The following LGALS1 variants were observed in gnomAD, a reference collection of about 807,000 sequenced individuals.
LGALS1 encodes galectin-1.
Under a neutral mutation model 14.4 loss-of-function variants are expected in LGALS1, and 14 were observed. That is an observed-to-expected ratio of 0.97 (90% CI 0.64 to 1.52). The LOEUF is 1.52. LGALS1 is among the 40% of genes most tolerant of loss of function. The probability of loss-of-function intolerance (pLI) is 0.00; values close to 1 mark genes in which losing one functional copy is unlikely to be tolerated. For missense variants in LGALS1, 170 were observed against 181.4 expected, an observed-to-expected ratio of 0.94 and a Z score of 0.36; for synonymous variants, 71 against 73.4, an observed-to-expected ratio of 0.97 and a Z score of 0.17.
At chr22:37,677,166 GT>G in intron 2 of LGALS1, 101 bp downstream of exon 2, 1 of 1,180,310 alleles carries the variant, frequency 8.5e-7, no homozygotes, top group East Asian at 2.6e-5. Context: ...CCGGGAGCGG[GT>G]TAACGGCCAG....
intron 1 of LGALS1, 169 bp from the exon 2 acceptor site, chr22:37,676,817 A>G (rs1301685130): frequency 1.4e-6 from 1 of 733,318 alleles, no homozygotes; most frequent in South Asian, 1.5e-5. Context: ...CCACATAGAC[A>G]ATCGGAGGCT....
rs990167873 is a variant in LGALS1, at chr22:37,675,770, G to GGA, written c.9+63_9+64dup. ...GATAGGGCAGGAACTGATGGCCAGAGGAGAGCTGGGCAGATCGGGAGCAGA... is the reference window on the plus strand; with the variant it reads ...GATAGGGCAGGAACTGATGGCCAGAGGAGAGAGCTGGGCAGATCGGGAGCAGA... On this transcript the variant is annotated intron_variant, in intron 1 of 3. Transcript: ENST00000215909. 8 of 1,434,996 alleles carry GGA rather than the reference G, an allele frequency of 5.6e-6. No individual in the cohort carries two copies. The African/African-American group carries it at 1.0e-4, about 18-fold the overall frequency. 88.9% of individuals were successfully genotyped at this position (1,434,996 alleles called of 1,614,324 possible). A position where few individuals can be genotyped will look rare whatever the true frequency, so the allele number is the denominator to read the frequency against.
chr22:37,676,427 T>C (rs78788667), intron 1 of LGALS1, among the ~76,000 whole-genome samples: 7,027 of 152,310 alleles, frequency 0.046, 531 homozygotes, highest in African/African-American at 0.16. Context: ...TTGTTAACCC[T>C]GAGCCAGCCC....
In LGALS1 at chr22:37,677,076, A is replaced by G. The variant is rs376028708; in HGVS notation, c.89+11A>G. ...TCCTGACGCTAAGAGGTGAGAAGTGAAGTCGGGGTGGTGGGCGGCAGGGAC... is the reference window on the plus strand; with the variant it reads ...TCCTGACGCTAAGAGGTGAGAAGTGGAGTCGGGGTGGTGGGCGGCAGGGAC... On this transcript the variant is annotated intron_variant, in intron 2 of 3. Coordinates refer to ENST00000215909, the MANE Select transcript of LGALS1 (RefSeq NM_002305.4). 1.2e-6 allele frequency: 2 copies of G among 1,613,336 alleles called. No homozygotes were observed. The highest frequency in any genetic ancestry group is 1.7e-5 in the Admixed American group (1 of 59,990).
At chr22:37,676,787 G>C (rs141672805) in intron 1 of LGALS1, 199 bp from the exon 2 acceptor site, 159 of 669,496 alleles carry the variant, frequency 2.4e-4, no homozygotes, top group African/African-American at 2.4e-3. Flanking sequence ...ACCCCGGTGG[G>C]AATAGGGACT....
intron 1 of LGALS1, 82 bp downstream of exon 1, chr22:37,675,793 A>C: frequency 2.3e-6 from 3 of 1,287,870 alleles, no homozygotes; most frequent in Middle Eastern, 2.1e-4. Context: ...GATCGGGAGC[A>C]GATTCTAGCC....
chr22:37,676,987 G>C lies in LGALS1; in HGVS notation c.11G>C (p.Gly4Ala). 3 of 1,614,136 alleles carry C rather than the reference G, an allele frequency of 1.9e-6. No homozygotes were observed. Among genetic ancestry groups the C allele is most frequent in the Non-Finnish European group, 2.5e-6 (3 of 1,180,024 alleles). The change falls in exon 2 of 4, where the codon GGT becomes GCT. Residue 4 changes from glycine (G) to alanine (A), a missense_variant and splice_region_variant. By Grantham distance (60) the Gly-to-Ala change is moderately conservative. Coordinates refer to ENST00000215909, the MANE Select transcript of LGALS1 (RefSeq NM_002305.4). MAC[G>A]LVASNLNLKP... ...CTGGGCCGGGGCTTGTCTGTGCAGG[G>C]TCTGGTCGCCAGCAACCTGAATCTC...
chr22:37,677,027 C>T lies in LGALS1; in HGVS notation c.51C>T (p.Cys17=), dbSNP rs1921452785. ...ASNLNLKPGE[C]LRVRGEVAPD... ...ACCTGAATCTCAAACCTGGAGAGTG[C>T]CTTCGAGTGCGAGGCGAGGTGGCTC... Residue 17 remains cysteine (C), a synonymous_variant, in exon 2 of 4, where the codon TGC becomes TGT. Coordinates refer to ENST00000215909, the MANE Select transcript of LGALS1 (RefSeq NM_002305.4). 9.9e-6 allele frequency: 16 copies of T among 1,614,104 alleles called. No homozygotes were observed. Among genetic ancestry groups the T allele is most frequent in the Non-Finnish European group, 1.4e-5 (16 of 1,180,022 alleles).
At chr22:37,677,878 G>A (rs1179257478) in intron 2 of LGALS1, among the ~76,000 whole-genome samples, 5 of 151,896 alleles carry the variant, frequency 3.3e-5, no homozygotes, top group African/African-American at 4.8e-5. Context: ...TCCGCCTCCC[G>A]GGTTCAAACG....
chr22:37,678,075 C>T (rs923185372), intron 2 of LGALS1, among the ~76,000 whole-genome samples: 8 of 152,194 alleles, frequency 5.3e-5, no homozygotes, highest in South Asian at 2.1e-4. Context: ...GCATGAGCCA[C>T]CGTGCCCGGG....
intron 3 of LGALS1, 63 bp downstream of exon 3, chr22:37,678,717 G>T (rs1007797894): frequency 6.9e-7 from 1 of 1,441,438 alleles, no homozygotes; most frequent in Admixed American, 2.1e-5. Flanking sequence ...GCGGGGCTGG[G>T]TTAGTGACTA....
At chr22:37,676,759 C>A (rs1601601505) in intron 1 of LGALS1, 1 of 614,178 alleles carries the variant, frequency 1.6e-6, no homozygotes, top group East Asian at 2.9e-5. Context: ...AGAACCTTCA[C>A]GTTACAGACT....
chr22:37,678,464 C>T lies in LGALS1; in HGVS notation c.90-19C>T, dbSNP rs1921515398. The T allele has an allele frequency of 1.2e-6, 2 of 1,612,976 alleles. No homozygotes were observed. The highest frequency in any genetic ancestry group is 1.1e-5 in the South Asian group (1 of 91,024). On this transcript the variant is annotated intron_variant, in intron 2 of 3. Coordinates refer to ENST00000215909, the MANE Select transcript of LGALS1 (RefSeq NM_002305.4). ...TGGAGCTGGCCGAGGTGGCCTCATGCCCACCCGTTACCCCCCAGCTTCGTG... is the reference window on the plus strand; with the variant it reads ...TGGAGCTGGCCGAGGTGGCCTCATGTCCACCCGTTACCCCCCAGCTTCGTG...
intron 2 of LGALS1, 34 bp from the exon 3 acceptor site, chr22:37,678,449 C>G: frequency 6.2e-7 from 1 of 1,611,594 alleles, no homozygotes; most frequent in African/African-American, 1.3e-5. Context: ...TGGAGCTGGC[C>G]GAGGTGGCCT....
At position 37,675,671 on chromosome 22, in the gene LGALS1, G is replaced by A. The variant is rs369718469; in HGVS notation, c.-32G>A. 4 of 1,547,486 alleles carry A rather than the reference G, an allele frequency of 2.6e-6. No individual in the cohort carries two copies. The highest frequency in any genetic ancestry group is 3.5e-6 in the Non-Finnish European group (4 of 1,146,052). ...GGTGGAGTCTTCTGACAGCTGGTGCGCCTGCCCGGGAACATCCTCCTGGAC... is the reference window on the plus strand; with the variant it reads ...GGTGGAGTCTTCTGACAGCTGGTGCACCTGCCCGGGAACATCCTCCTGGAC... On this transcript the variant is annotated 5_prime_UTR_variant, in exon 1 of 4. Transcript: ENST00000215909.
At chr22:37,678,001 T>C (rs1601602071) in intron 2 of LGALS1, among the ~76,000 whole-genome samples, 1 of 152,232 alleles carries the variant, frequency 6.6e-6, no homozygotes, top group South Asian at 2.1e-4. Flanking sequence ...GCCAGGCTGG[T>C]CTCGAACTCC....
At chr22:37,676,943 G>A in intron 1 of LGALS1, 43 bp from the exon 2 acceptor site, 1 of 1,608,502 alleles carries the variant, frequency 6.2e-7, no homozygotes, top group Non-Finnish European at 8.5e-7. Context: ...AGCAGTGGAG[G>A]CCTTGTCCTC....
intron 1 of LGALS1, 48 bp downstream of exon 1, chr22:37,675,759 T>G (rs567137153): frequency 1.4e-6 from 2 of 1,477,798 alleles, no homozygotes; most frequent in South Asian, 2.6e-5. Context: ...GGGCAGGAAC[T>G]GATGGCCAGA....
intron 3 of LGALS1, 49 bp from the exon 4 acceptor site, chr22:37,679,554 A>G: frequency 1.3e-6 from 2 of 1,486,902 alleles, no homozygotes; most frequent in Non-Finnish European, 1.8e-6. Context: ...CGGGTTCTGG[A>G]AGGGCCCATG....
Sources: allele counts gnomAD v4.1 joint callset (sites outside exome capture counted in the v4.1 genomes callset), GRCh38; gene constraint gnomAD v4.1.1; transcripts MANE v1.5; gene names NCBI Gene and HGNC (gene_info 2026-07-23, HGNC 2026-07-21).